ADAM2: variants seen among roughly 807,000 people sequenced by gnomAD.
ADAM2 encodes ADAM metallopeptidase domain 2.
ADAM2 carries 101 observed loss-of-function variants against 99.3 expected under a neutral mutation model. The ratio of observed to expected loss-of-function variants is 1.02; its 90% CI spans 0.87 to 1.20. ADAM2 has a LOEUF of 1.20. ADAM2 is among the 50% of genes most tolerant of loss of function. The probability of loss-of-function intolerance (pLI) is 0.00; values close to 1 mark genes in which losing one functional copy is unlikely to be tolerated. For missense variants in ADAM2, 948 were observed against 878.7 expected (o/e 1.08, Z -1.00); for synonymous variants, 323 against 287.6 (o/e 1.12, Z -1.25).
chr8:39,824,862 T>C lies in ADAM2; in HGVS notation c.224A>G (p.Tyr75Cys). Residue 75 changes from tyrosine (Y) to cysteine (C), a missense_variant, in exon 4 of 21, where the codon TAT (tyrosine) becomes TGT (cysteine). By Grantham distance (194) the Tyr-to-Cys change is radical (BLOSUM62 -2). Transcript: ENST00000265708. ...TGGTTTCATAATTCCTGTGCCACTA[T>C]AACTGTAAACTCTAAAATTATGGGG... Reference protein sequence around the residue: ...FLPHNFRVYSYSGTGIMKPLD... With the variant: ...FLPHNFRVYSCSGTGIMKPLD... The C allele has an allele frequency of 1.3e-6, 2 of 1,572,552 alleles. No individual in the cohort carries two copies. Among genetic ancestry groups the C allele is most frequent in the Non-Finnish European group, 1.7e-6 (2 of 1,148,680 alleles).
At chr8:39,794,293 G>T (rs1244808287) in intron 7 of ADAM2, among the ~76,000 whole-genome samples, 1 of 152,090 alleles carries the variant, frequency 6.6e-6, no homozygotes, top group Non-Finnish European at 1.5e-5. Flanking sequence ...TTGACTTGAA[G>T]AAAATAAGTG....
Position 39,744,715 on chromosome 8 carries a change from T to C in ADAM2, c.*30+115A>G, listed in dbSNP as rs1823376193. ...GCTTAAAACCTAGATGACGGGTTGA[T>C]AGGTGCAGCAAACCACCATGGCACA... On this transcript the variant is annotated intron_variant, in intron 20 of 20. Transcript: ENST00000265708. The C allele has an allele frequency of 6.7e-6, 4 of 598,448 alleles. 1 individual carries two copies. In the South Asian group the frequency reaches 9.9e-5, roughly 15 times the overall value. 37.1% of individuals were successfully genotyped at this position (598,448 alleles called of 1,614,324 possible).
intron 7 of ADAM2, among the ~76,000 whole-genome samples, chr8:39,802,688 T>C (rs1326141310): frequency 6.6e-6 from 1 of 152,142 alleles, no homozygotes; most frequent in African/African-American, 2.4e-5. Flanking sequence ...TTGTGCCCAA[T>C]GTGCGAGACA....
intron 6 of ADAM2, among the ~76,000 whole-genome samples, chr8:39,819,459 C>G (rs1340718048): frequency 6.6e-6 from 1 of 151,950 alleles, no homozygotes; most frequent in African/African-American, 2.4e-5. Context: ...ATTAATTTTA[C>G]CTGTAAACTT....
At chr8:39,807,097 G>A (rs1804471643) in intron 7 of ADAM2, among the ~76,000 whole-genome samples, 1 of 152,178 alleles carries the variant, frequency 6.6e-6, no homozygotes. Context: ...CCCCACCCAT[G>A]GAAGTGACAC....
At chr8:39,834,721 C>A (rs911120379) in intron 2 of ADAM2, among the ~76,000 whole-genome samples, 6 of 92,052 alleles carry the variant, frequency 6.5e-5, no homozygotes, top group African/African-American at 2.8e-4. Flanking sequence ...GGCGACAGGG[C>A]AAGACTCCAT....
chr8:39,759,338 C>G (rs894108739), intron 15 of ADAM2, among the ~76,000 whole-genome samples: 1 of 151,370 alleles, frequency 6.6e-6, no homozygotes, highest in South Asian at 2.1e-4. Context: ...ATTAGTTAAC[C>G]GATAGTATTA....
rs1217173257 is a variant in ADAM2, at chr8:39,775,083, A to C, written c.1028+1942T>G. 2.0e-5 allele frequency among the ~76,000 whole-genome samples: 3 copies of C among 152,102 alleles called. No homozygotes were observed. The South Asian group carries it at 6.2e-4, about 32-fold the overall frequency. ...TTCTTTCTGCGGGGCCCACAGGAAA[A>C]TGTACAGAATATCTTACAGAATTTT... On this transcript the variant is annotated intron_variant, in intron 11 of 20. Transcript: ENST00000265708.
At chr8:39,837,089 A>G (rs1199123800) in intron 2 of ADAM2, 47 bp downstream of exon 2, 2 of 1,463,118 alleles carry the variant, frequency 1.4e-6, no homozygotes, top group African/African-American at 1.4e-5. Context: ...TAGAAACAAA[A>G]TCTTTACATC....
chr8:39,747,833 G>T (rs1001591102), intron 18 of ADAM2, among the ~76,000 whole-genome samples: 2 of 152,154 alleles, frequency 1.3e-5, no homozygotes, highest in Non-Finnish European at 2.9e-5. Flanking sequence ...TTTCTGCAAC[G>T]TGTTTTTAAA....
intron 7 of ADAM2, among the ~76,000 whole-genome samples, chr8:39,791,893 A>T (rs982109312): frequency 3.3e-5 from 5 of 152,088 alleles, no homozygotes; most frequent in African/African-American, 9.7e-5. Flanking sequence ...ATGGGCATGG[A>T]TCAAACACTT....
chr8:39,824,101 T>C (rs985347800), intron 4 of ADAM2, among the ~76,000 whole-genome samples: 5 of 151,960 alleles, frequency 3.3e-5, no homozygotes, highest in African/African-American at 1.2e-4. Context: ...CTGACCAACA[T>C]GGAGAAACCC....
At chr8:39,808,127 A>G (rs928985649) in intron 7 of ADAM2, among the ~76,000 whole-genome samples, 1 of 151,976 alleles carries the variant, frequency 6.6e-6, no homozygotes, top group Non-Finnish European at 1.5e-5. Context: ...TCACATTGGA[A>G]AGGCTAAAAC....
At chr8:39,765,431 A>G (rs1217843615) in intron 14 of ADAM2, among the ~76,000 whole-genome samples, 1 of 152,204 alleles carries the variant, frequency 6.6e-6, no homozygotes, top group Non-Finnish European at 1.5e-5. Flanking sequence ...GATATGAAGA[A>G]TATAAGAGAC....
intron 17 of ADAM2, 99 bp downstream of exon 17, chr8:39,749,564 GGTGT>G (rs368362038): frequency 2.2e-4 from 261 of 1,163,702 alleles, no homozygotes; most frequent in Non-Finnish European, 2.7e-4. Flanking sequence ...TATATGTTTT[GGTGT>G]GTGTGTGTGT....
rs368317317 is a variant in ADAM2 at position 39,779,008 on chromosome 8, G to GT, written c.892-1848dup. Among the ~76,000 whole-genome samples the GT allele has an allele frequency of 5.3e-3, 788 of 148,140 alleles. 3 individuals are homozygous for GT. Among genetic ancestry groups the GT allele is most frequent in the African/African-American group, 0.018 (724 of 40,538 alleles). ...CTTTAGGCATTTGTATAAAAGCAGG[G>GT]TTTTTTTTTTCCTTCATGTTCAGTT... On this transcript the variant is annotated intron_variant, in intron 10 of 20. Transcript: ENST00000265708.
Position 39,790,789 on chromosome 8 carries a change from T to C in ADAM2, c.571-2049A>G, listed in dbSNP as rs74764615. Reference sequence around the variant, plus strand: ...TCTTTTCAAGGAGATCAGTGGTACATCTCTCCACTATAAGCAGGTTCTAAT... The same window carrying C: ...TCTTTTCAAGGAGATCAGTGGTACACCTCTCCACTATAAGCAGGTTCTAAT... On this transcript the variant is annotated intron_variant, in intron 7 of 20. Transcript: ENST00000265708. Among the ~76,000 whole-genome samples the C allele has an allele frequency of 8.8e-4, 134 of 152,012 alleles. 2 individuals carry two copies. In the East Asian group the frequency reaches 0.023, roughly 26 times the overall value.
chr8:39,836,538 C>CA lies in ADAM2; in HGVS notation c.132+597dup, dbSNP rs542193345. 2.2e-3 allele frequency among the ~76,000 whole-genome samples: 308 copies of CA among 140,310 alleles called. 3 individuals are homozygous for CA. In the East Asian group the frequency reaches 0.026, roughly 12 times the overall value. 92.0% of individuals were successfully genotyped at this position (140,310 alleles called of 152,430 possible). On this transcript the variant is annotated intron_variant, in intron 2 of 20. Transcript: ENST00000265708. ...ATTACCAGAACATCTGCTACCAAACCAAAAAAAAAAAATTGATGTCTCAAG... is the reference window on the plus strand; with the variant it reads ...ATTACCAGAACATCTGCTACCAAACCAAAAAAAAAAAAATTGATGTCTCAAG...
chr8:39,772,813 C>T (rs944016657), intron 11 of ADAM2, among the ~76,000 whole-genome samples: 4 of 151,774 alleles, frequency 2.6e-5, no homozygotes, highest in Admixed American at 6.6e-5. Context: ...ATAATCAAAA[C>T]ATCAAAACAT....
Sources: allele counts gnomAD v4.1 joint callset (sites outside exome capture counted in the v4.1 genomes callset), GRCh38; gene constraint gnomAD v4.1.1; transcripts MANE v1.5; gene names NCBI Gene and HGNC (gene_info 2026-07-23, HGNC 2026-07-21).